The following CUL4A variants were observed in gnomAD, a reference collection of about 807,000 sequenced individuals.
CUL4A encodes the protein cullin-4A.
CUL4A carries 16 observed loss-of-function variants against 95.5 expected under a neutral mutation model. That is an observed-to-expected ratio of 0.17 (90% confidence interval 0.11 to 0.25). The LOEUF (loss-of-function observed/expected upper bound fraction) is 0.25. CUL4A is among the 10% of genes least tolerant of loss of function. The probability of loss-of-function intolerance (pLI) is 1.00; values close to 1 mark genes in which losing one functional copy is unlikely to be tolerated. For missense variants in CUL4A, 610 were observed against 937.0 expected (o/e 0.65, Z 4.56); for synonymous variants, 380 against 353.1 (o/e 1.08, Z -0.85).
rs905861966 is a variant in CUL4A at position 113,244,797 on chromosome 13, G to C, written c.1334-152G>C. On this transcript the variant is annotated intron_variant, in intron 12 of 19. Coordinates refer to ENST00000375440, the MANE Select transcript of CUL4A (RefSeq NM_001008895.4). ...GGAGCTTGCAGTGAGCCGAGATCGC[G>C]CCACTGCACTCCAGCCTGGGCAACA... is the stretch of plus-strand genomic sequence containing the variant. 6.2e-5 allele frequency: 38 copies of C among 616,846 alleles called. No homozygotes were observed. In the African/African-American group the frequency reaches 6.4e-4, roughly 10 times the overall value. 38.2% of individuals were successfully genotyped at this position (616,846 alleles called of 1,614,324 possible). A position where few individuals can be genotyped will look rare whatever the true frequency, so the allele number is the denominator to read the frequency against.
chr13:113,233,310 A>C lies in CUL4A; in HGVS notation c.646A>C (p.Ser216Arg). The C allele has an allele frequency of 2.5e-6, 4 of 1,613,256 alleles. No homozygotes were observed. Among genetic ancestry groups the C allele is most frequent in the Non-Finnish European group, 3.4e-6 (4 of 1,179,900 alleles). ...GGCCGTGGACCGGAGCCTGTTGCGG[A>C]GCCTCCTGGGCATGCTGTCTGACCT... ...GEAVDRSLLR[S>R]LLGMLSDLQV... Residue 216 changes from serine (S) to arginine (R), a missense_variant, in exon 6 of 20, where the codon AGC becomes CGC. By Grantham distance (110) the Ser-to-Arg change is moderately radical (BLOSUM62 -1). Around this residue, in one of 10 missense-constraint regions of CUL4A, gnomAD observed 97 missense variants for 100.3 expected, o/e 0.97. Coordinates refer to ENST00000375440, the MANE Select transcript of CUL4A (RefSeq NM_001008895.4).
At chr13:113,218,444 T>G (rs2040774838) in intron 2 of CUL4A, among the ~76,000 whole-genome samples, 1 of 152,216 alleles carries the variant, frequency 6.6e-6, no homozygotes, top group Non-Finnish European at 1.5e-5. Flanking sequence ...CAGCCTGTTG[T>G]TCTCCTTCCT....
chr13:113,222,517 CGTG>C (rs1309294697), intron 3 of CUL4A, among the ~76,000 whole-genome samples: 1 of 151,138 alleles, frequency 6.6e-6, no homozygotes, highest in African/African-American at 2.4e-5. Context: ...GAGGGTCTGT[CGTG>C]GTCATGTTGA....
At chr13:113,217,579 T>C (rs1243466609) in intron 2 of CUL4A, among the ~76,000 whole-genome samples, 4 of 152,220 alleles carry the variant, frequency 2.6e-5, no homozygotes, top group African/African-American at 9.6e-5. Context: ...TTGGTTAATA[T>C]GTAGCAGCTC....
At chr13:113,257,361 C>A (rs1173487693) in intron 18 of CUL4A, among the ~76,000 whole-genome samples, 1 of 152,038 alleles carries the variant, frequency 6.6e-6, no homozygotes, top group East Asian at 1.9e-4. Flanking sequence ...TTAGGCCATT[C>A]TTGTATTACT....
At chr13:113,208,935 C>G (rs146751759), upstream of CUL4A, 35,027 of 1,321,768 alleles carry the variant, frequency 0.027, 602 homozygotes, top group Middle Eastern at 0.04. Flanking sequence ...CACGGCTAAA[C>G]TGCCTTTCAC....
intron 2 of CUL4A, among the ~76,000 whole-genome samples, chr13:113,217,398 A>C (rs1038747072): frequency 1.3e-5 from 2 of 152,222 alleles, no homozygotes; most frequent in Non-Finnish European, 2.9e-5. Context: ...TTCTATAGTA[A>C]GACAAAATGT....
chr13:113,260,512 T>C (rs2042248849), intron 18 of CUL4A, 95 bp from the exon 19 acceptor site: 2 of 1,124,110 alleles, frequency 1.8e-6, no homozygotes, highest in African/African-American at 3.2e-5. Context: ...ATCACACCAT[T>C]GCACTCTAGC....
chr13:113,240,264 G>A (rs531246827), intron 10 of CUL4A, among the ~76,000 whole-genome samples: 81 of 150,112 alleles, frequency 5.4e-4, no homozygotes, highest in African/African-American at 2.0e-3. Flanking sequence ...TGCTTTGCTG[G>A]GCAGCACCAG....
chr13:113,232,137 C>CGCCCACCACCATTACTGTCACCACTACCT (rs2041354114), intron 5 of CUL4A, among the ~76,000 whole-genome samples: 3 of 11,322 alleles, frequency 2.6e-4, no homozygotes, highest in Admixed American at 8.1e-4. Flanking sequence ...CACCACTACC[C>CGCCCACCACCATTACTGTCACCACTACCT]GCCCACCACC....
intron 14 of CUL4A, 21 bp downstream of exon 14, chr13:113,245,258 A>G (rs757264910): frequency 6.2e-7 from 1 of 1,610,272 alleles, no homozygotes; most frequent in Non-Finnish European, 8.5e-7. Flanking sequence ...TTTCTTAGGT[A>G]AAGCGGCTTT....
rs1566370799 is a variant in CUL4A at position 113,255,137 on chromosome 13, C to G, written c.2031+12C>G. The G allele has an allele frequency of 6.3e-7, 1 of 1,586,482 alleles. No homozygotes were observed. Among genetic ancestry groups the G allele is most frequent in the Non-Finnish European group, 8.6e-7 (1 of 1,161,688 alleles). ...AGATGAAGGAAACTGTATGTATAAA[C>G]TTTCTCTTTTTACTTATAGGGGGTT... On this transcript the variant is annotated intron_variant, in intron 18 of 19. Transcript: ENST00000375440.
At chr13:113,255,641 G>C (rs577387318) in intron 18 of CUL4A, among the ~76,000 whole-genome samples, 1 of 152,032 alleles carries the variant, frequency 6.6e-6, no homozygotes, top group African/African-American at 2.4e-5. Flanking sequence ...CCTGAATGCC[G>C]TACAGTTGGA....
intron 10 of CUL4A, among the ~76,000 whole-genome samples, chr13:113,240,945 C>T (rs998483982): frequency 2.0e-5 from 3 of 152,130 alleles, no homozygotes; most frequent in East Asian, 3.8e-4. Flanking sequence ...GATTGCTTTG[C>T]TATTTTTACT....
intron 2 of CUL4A, among the ~76,000 whole-genome samples, chr13:113,213,870 C>A (rs2040543663): frequency 6.6e-6 from 1 of 152,254 alleles, no homozygotes; most frequent in South Asian, 2.1e-4. Flanking sequence ...TTGTGATCAT[C>A]TCTCCACGCA....
rs2041621542 is a variant in CUL4A at position 113,238,777 on chromosome 13, T to C, written c.917-656T>C. On this transcript the variant is annotated intron_variant, in intron 9 of 19. Transcript: ENST00000375440. ...TCGTTTGTGTGAACATCGTGCCCAG[T>C]GTAGGCAGAATCTGAGACTTTGTGA... Among the ~76,000 whole-genome samples the C allele has an allele frequency of 3.3e-5, 5 of 152,186 alleles. No homozygotes were observed. In the South Asian group the frequency reaches 8.3e-4, roughly 25 times the overall value.
chr13:113,220,577 A>G (rs2040859702), intron 3 of CUL4A, among the ~76,000 whole-genome samples: 1 of 152,246 alleles, frequency 6.6e-6, no homozygotes, highest in African/African-American at 2.4e-5. Flanking sequence ...AGTCTTTAGC[A>G]GATGCCCAAG....
At chr13:113,221,853 G>C (rs1403580780) in intron 3 of CUL4A, among the ~76,000 whole-genome samples, 1 of 152,224 alleles carries the variant, frequency 6.6e-6, no homozygotes, top group Non-Finnish European at 1.5e-5. Flanking sequence ...TGGGATTACA[G>C]GCGTGAGCCA....
In CUL4A at chr13:113,218,995, A is replaced by G. The variant is rs1414935096; in HGVS notation, c.315A>G (p.Gln105=). 6.8e-6 allele frequency: 11 copies of G among 1,613,816 alleles called. No homozygotes were observed. The highest frequency in any genetic ancestry group is 9.3e-6 in the Non-Finnish European group (11 of 1,179,966). ...SHKVSPMLYK[Q]LRQACEDHVQ... ...AAGTCTCCCCAATGCTCTACAAGCAACTGCGTCAGGCCTGTGAAGACCACG... is the reference window on the plus strand; with the variant it reads ...AAGTCTCCCCAATGCTCTACAAGCAGCTGCGTCAGGCCTGTGAAGACCACG... Residue 105 remains glutamine, a synonymous_variant, in exon 3 of 20, where the codon CAA becomes CAG. Coordinates refer to ENST00000375440, the MANE Select transcript of CUL4A (RefSeq NM_001008895.4).
Sources: gnomAD v4.1 joint callset for allele counts (sites outside exome capture counted in the v4.1 genomes callset) on GRCh38, gnomAD v4.1.1 for gene constraint, gnomAD v4.1.1 regional missense constraint, MANE v1.5 for transcripts, NCBI Gene and HGNC (gene_info 2026-07-23, HGNC 2026-07-21) for gene names.